The following NCAM1 variants were observed in gnomAD, a reference collection of about 807,000 sequenced individuals.
The protein encoded by NCAM1 is antigen recognized by monoclonal antibody 5.1H11.
A neutral mutation model predicts 109.8 loss-of-function variants in NCAM1; 14 were observed. The ratio of observed to expected loss-of-function variants is 0.13; its 90% CI spans 0.08 to 0.20. The LOEUF is 0.20. NCAM1 is among the 10% of genes least tolerant of loss of function. NCAM1 has a pLI of 1.00. For synonymous variants in NCAM1, 418 were observed against 442.9 expected, an observed-to-expected ratio of 0.94 and a Z score of 0.70; for missense variants, 774 against 1,109.9, an observed-to-expected ratio of 0.70 and a Z score of 4.30.
intron 1 of NCAM1, among the ~76,000 whole-genome samples, chr11:113,109,073 T>A (rs1282737880): frequency 6.9e-6 from 1 of 145,084 alleles, no homozygotes; most frequent in East Asian, 2.3e-4. Flanking sequence ...GGAGGCCGGG[T>A]GCGGTGGCTC....
chr11:112,982,129 C>T (rs1180484041), intron 1 of NCAM1, among the ~76,000 whole-genome samples: 1 of 151,898 alleles, frequency 6.6e-6, no homozygotes, highest in Non-Finnish European at 1.5e-5. Context: ...AACCAAAATG[C>T]AAATCTTCAT....
In NCAM1 at chr11:113,236,318, A is replaced by G. The variant is rs782392534; in HGVS notation, c.1825+1154A>G. On this transcript the variant is annotated intron_variant, in intron 14 of 19. Coordinates refer to ENST00000316851, the MANE Select transcript of NCAM1 (RefSeq NM_181351.5). The stretch of plus-strand genomic sequence containing the variant: ...AAATGCAGATAGCCCTCCTCCACGT[A>G]AGTGCCTCTTCATACCTCATTACCT... 14 of 1,613,214 alleles carry G rather than the reference A, an allele frequency of 8.7e-6. No homozygotes were observed. The South Asian group carries it at 1.4e-4, about 16-fold the overall frequency.
At chr11:113,090,599 T>C (rs1400367496) in intron 1 of NCAM1, among the ~76,000 whole-genome samples, 1 of 152,130 alleles carries the variant, frequency 6.6e-6, no homozygotes, top group Non-Finnish European at 1.5e-5. Flanking sequence ...TTGGGGAAAG[T>C]CAGGTCTGCA....
chr11:113,200,405 A>G (rs1944013136), intron 1 of NCAM1, among the ~76,000 whole-genome samples: 1 of 152,188 alleles, frequency 6.6e-6, no homozygotes, highest in Non-Finnish European at 1.5e-5. Flanking sequence ...TTATCAATTC[A>G]TGGGCTCTCT....
chr11:113,263,981 C>G, intron 17 of NCAM1: 1 of 985,462 alleles, frequency 1.0e-6, no homozygotes, highest in Non-Finnish European at 1.2e-6. Context: ...TCTAAACTCT[C>G]CTGAAAATCC....
intron 1 of NCAM1, among the ~76,000 whole-genome samples, chr11:113,156,235 G>A (rs1942404229): frequency 6.6e-6 from 1 of 152,188 alleles, no homozygotes; most frequent in Non-Finnish European, 1.5e-5. Flanking sequence ...CAGAAAGAGA[G>A]AACATGAGAG....
At chr11:113,093,917 GA>G (rs1939477510) in intron 1 of NCAM1, among the ~76,000 whole-genome samples, 1 of 152,172 alleles carries the variant, frequency 6.6e-6, no homozygotes, top group Non-Finnish European at 1.5e-5. Flanking sequence ...AGACCAGTTG[GA>G]AGCTGCAGTG....
At position 112,962,962 on chromosome 11, in the gene NCAM1, C is replaced by T. The variant is rs1282653980; in HGVS notation, c.52+1298C>T. Among the ~76,000 whole-genome samples the T allele has an allele frequency of 6.6e-6, 1 of 151,814 alleles. No individual in the cohort carries two copies. Among genetic ancestry groups the T allele is most frequent in the East Asian group, 2.0e-4 (1 of 5,106 alleles). ...CAGGTACCGTTGTACCTGCCCTGGA[C>T]GGCCGACCCCCGGTTGGGGAGCGCA... On this transcript the variant is annotated intron_variant, in intron 1 of 19. Transcript: ENST00000316851. This position sits in a 1 kb window ranked among gnomAD's most constrained non-coding sequence, Gnocchi z 5.6.
In NCAM1 at chr11:113,235,078, C is replaced by T; in HGVS notation, c.1739C>T (p.Thr580Ile). ...IVTIVGLKPE[T>I]TYAVRLAALN... ...ACCATCGTGGGCCTGAAGCCCGAAACAACGTACGCCGTAAGGCTGGCGGCG... is the reference window on the plus strand; with the variant it reads ...ACCATCGTGGGCCTGAAGCCCGAAATAACGTACGCCGTAAGGCTGGCGGCG... Residue 580 changes from threonine (T) to isoleucine (I), a missense_variant, in exon 14 of 20, where the codon ACA becomes ATA. Around this residue, in one of 4 missense-constraint regions of NCAM1, gnomAD observed 523 missense variants for 784.2 expected, o/e 0.67. Coordinates refer to ENST00000316851, the MANE Select transcript of NCAM1 (RefSeq NM_181351.5). 2 of 1,588,046 alleles carry T rather than the reference C, an allele frequency of 1.3e-6. No individual in the cohort carries two copies. The highest frequency in any genetic ancestry group is 2.3e-5 in the South Asian group (2 of 87,684).
intron 2 of NCAM1, among the ~76,000 whole-genome samples, chr11:113,203,044 C>T (rs1250220285): frequency 6.6e-6 from 1 of 152,204 alleles, no homozygotes; most frequent in African/African-American, 2.4e-5. Flanking sequence ...ATTTAGAAAA[C>T]ATGCCCCATT....
chr11:113,264,904 G>T, intron 17 of NCAM1: 4 of 985,670 alleles, frequency 4.1e-6, no homozygotes, highest in Non-Finnish European at 3.6e-6. Flanking sequence ...CCTGGTGACA[G>T]CTGCAGCCCC....
At position 113,019,062 on chromosome 11, in the gene NCAM1, A is replaced by T. The variant is rs375587084; in HGVS notation, c.52+57398A>T. On this transcript the variant is annotated intron_variant, in intron 1 of 19. Coordinates refer to ENST00000316851, the MANE Select transcript of NCAM1 (RefSeq NM_181351.5). ...ATCCCTTCCACGTGAAATGCCCCAA[A>T]TGAAGTGTGATAGTGATACTCGGTC... is the stretch of plus-strand genomic sequence containing the variant. 2.0e-5 allele frequency among the ~76,000 whole-genome samples: 3 copies of T among 152,084 alleles called. No individual in the cohort carries two copies. The South Asian group carries it at 6.2e-4, about 32-fold the overall frequency.
intron 15 of NCAM1, 105 bp downstream of exon 15, chr11:113,246,475 G>A: frequency 1.5e-6 from 1 of 685,652 alleles, no homozygotes; most frequent in Non-Finnish European, 2.7e-6. Context: ...AAAGCCATTT[G>A]AGAGATTTCC....
chr11:113,154,650 T>C (rs561449753), intron 1 of NCAM1, among the ~76,000 whole-genome samples: 30 of 152,260 alleles, frequency 2.0e-4, no homozygotes, highest in African/African-American at 7.2e-4. Flanking sequence ...CCGCCACACA[T>C]GAACACATAG....
At chr11:113,015,319 C>T (rs1417020907) in intron 1 of NCAM1, among the ~76,000 whole-genome samples, 1 of 152,198 alleles carries the variant, frequency 6.6e-6, no homozygotes, top group African/African-American at 2.4e-5. Context: ...AGTAGTCAGC[C>T]AAGGCAGCTT....
chr11:113,266,546 AG>A (rs1437584032), intron 17 of NCAM1, among the ~76,000 whole-genome samples: 2 of 152,058 alleles, frequency 1.3e-5, no homozygotes, highest in Non-Finnish European at 2.9e-5. Flanking sequence ...AATGCAGGGG[AG>A]GGAAGACCTA....
intron 14 of NCAM1, chr11:113,243,649 A>C: frequency 1.9e-6 from 1 of 517,500 alleles, no homozygotes; most frequent in Non-Finnish European, 3.9e-6. Flanking sequence ...AATCTCCTGA[A>C]GAATCCATAT....
chr11:113,119,369 A>G (rs1940849407), intron 1 of NCAM1, among the ~76,000 whole-genome samples: 1 of 152,188 alleles, frequency 6.6e-6, no homozygotes, highest in Admixed American at 6.5e-5. Flanking sequence ...ACTTGGCCAA[A>G]GGGATAGAGG....
Position 113,233,614 on chromosome 11 carries a change from T to G in NCAM1, c.1693+297T>G, listed in dbSNP as rs1945076508. Reference sequence around the variant, plus strand: ...CCAGATGAGTCCAGCCCATAGGTTCTGAGCATGGCCAGATGAGTCTAATCC... The same window carrying G: ...CCAGATGAGTCCAGCCCATAGGTTCGGAGCATGGCCAGATGAGTCTAATCC... On this transcript the variant is annotated intron_variant, in intron 13 of 19. Coordinates refer to ENST00000316851, the MANE Select transcript of NCAM1 (RefSeq NM_181351.5). The surrounding 1 kb of genome is among the most constrained non-coding windows in gnomAD (Gnocchi z 4.5). Among the ~76,000 whole-genome samples the G allele has an allele frequency of 2.0e-5, 3 of 152,242 alleles. No individual in the cohort carries two copies. Among genetic ancestry groups the G allele is most frequent in the Admixed American group, 2.0e-4 (3 of 15,282 alleles).
Sources: allele counts gnomAD v4.1 joint callset (sites outside exome capture counted in the v4.1 genomes callset), GRCh38; gene constraint gnomAD v4.1.1; regional missense constraint gnomAD v4.1.1; non-coding constraint Gnocchi (gnomAD v3.1); transcripts MANE v1.5; gene names NCBI Gene and HGNC (gene_info 2026-07-23, HGNC 2026-07-21).